Variants in CSMD3 observed in about 807,000 individuals in gnomAD.
CSMD3 encodes CUB and Sushi multiple domains 3.
In CSMD3, 177 loss-of-function variants were observed where a neutral mutation model predicts 435.2. The ratio of observed to expected loss-of-function variants is 0.41; its 90% CI spans 0.36 to 0.46. The LOEUF (loss-of-function observed/expected upper bound fraction) is 0.46, where lower values mean the gene tolerates loss of function less well. CSMD3 is among the 20% of genes least tolerant of loss of function. The pLI is 0.34. For missense variants in CSMD3, 4,265 were observed against 4,504.6 expected (o/e 0.95, Z 1.52); for synonymous variants, 1,656 against 1,520.5 (o/e 1.09, Z -2.07).
chr8:113,297,403 T>G (rs1414474479), intron 2 of CSMD3, among the ~76,000 whole-genome samples: 5 of 152,044 alleles, frequency 3.3e-5, no homozygotes, highest in African/African-American at 1.2e-4. Flanking sequence ...AAATTGTTCA[T>G]AGAAAACATC....
chr8:112,369,097 T>C (rs1197594951), intron 38 of CSMD3, among the ~76,000 whole-genome samples: 1 of 152,116 alleles, frequency 6.6e-6, no homozygotes, highest in Non-Finnish European at 1.5e-5. Context: ...CTGGTACAAA[T>C]GGCTATTTAC....
At chr8:113,347,316 G>C (rs934419361) in intron 1 of CSMD3, among the ~76,000 whole-genome samples, 5 of 151,846 alleles carry the variant, frequency 3.3e-5, no homozygotes, top group Non-Finnish European at 7.4e-5. Flanking sequence ...TTAACCTAGT[G>C]CTAATAACTG....
intron 20 of CSMD3, among the ~76,000 whole-genome samples, 174 bp downstream of exon 20, chr8:112,644,935 A>G (rs540466233): frequency 7.2e-5 from 11 of 152,280 alleles, no homozygotes; most frequent in Admixed American, 2.6e-4. Context: ...ATAATACTAT[A>G]GAAGAGTAAA....
intron 1 of CSMD3, among the ~76,000 whole-genome samples, chr8:113,419,640 A>G (rs1464328615): frequency 6.6e-6 from 1 of 152,154 alleles, no homozygotes; most frequent in Non-Finnish European, 1.5e-5. Context: ...GCACCAGTAC[A>G]CTATTCAAAT....
Position 112,267,150 on chromosome 8 carries a change from C to T in CSMD3, c.9509-1560G>A, listed in dbSNP as rs993360070. Among the ~76,000 whole-genome samples, 22 of 152,108 alleles carry T rather than the reference C, an allele frequency of 1.4e-4. 1 individual carries two copies. The highest frequency in any genetic ancestry group is 8.8e-5 in the Non-Finnish European group (6 of 68,016). ...AGTTACATTGTATTTATTATGTTATCATTAAGAATGATTAATGTCAAGATT... is the reference window on the plus strand; with the variant it reads ...AGTTACATTGTATTTATTATGTTATTATTAAGAATGATTAATGTCAAGATT... On this transcript the variant is annotated intron_variant, in intron 59 of 70. Coordinates refer to ENST00000297405, the MANE Select transcript of CSMD3 (RefSeq NM_198123.2).
At chr8:112,342,860 G>A (rs916466218) in intron 41 of CSMD3, among the ~76,000 whole-genome samples, 2 of 151,122 alleles carry the variant, frequency 1.3e-5, no homozygotes, top group African/African-American at 2.4e-5. Flanking sequence ...TGTGAAGACC[G>A]AAGATATGCA....
intron 22 of CSMD3, among the ~76,000 whole-genome samples, chr8:112,601,914 TA>T (rs1832384072): frequency 6.6e-6 from 1 of 152,202 alleles, no homozygotes; most frequent in African/African-American, 2.4e-5. Flanking sequence ...TTAGGGATGT[TA>T]AAAACAATTT....
At chr8:113,402,774 A>G (rs1284958986) in intron 1 of CSMD3, among the ~76,000 whole-genome samples, 1 of 151,406 alleles carries the variant, frequency 6.6e-6, no homozygotes. Context: ...ACTTTAAAGA[A>G]GAAAGGTAAG....
At chr8:112,688,117 G>C (rs764743053) in intron 14 of CSMD3, among the ~76,000 whole-genome samples, 2 of 152,088 alleles carry the variant, frequency 1.3e-5, no homozygotes, top group South Asian at 4.1e-4. Context: ...GAAAGTGTTT[G>C]GTTATGTTCC....
chr8:112,586,048 G>A (rs1373785391), intron 23 of CSMD3, among the ~76,000 whole-genome samples: 1 of 151,500 alleles, frequency 6.6e-6, no homozygotes, highest in Non-Finnish European at 1.5e-5. Context: ...TATACATCTA[G>A]ATACATTGTG....
intron 59 of CSMD3, among the ~76,000 whole-genome samples, chr8:112,280,291 G>C (rs556491019): frequency 6.6e-6 from 1 of 152,106 alleles, no homozygotes; most frequent in East Asian, 1.9e-4. Context: ...TTTCTTTTGA[G>C]ACAGGGTCTC....
intron 23 of CSMD3, among the ~76,000 whole-genome samples, chr8:112,579,559 A>G (rs1272492329): frequency 6.6e-6 from 1 of 152,030 alleles, no homozygotes; most frequent in Non-Finnish European, 1.5e-5. Flanking sequence ...TTTTAATATA[A>G]TTTAAGTTAA....
intron 65 of CSMD3, 107 bp downstream of exon 65, chr8:112,244,287 C>A: frequency 1.1e-6 from 1 of 944,980 alleles, no homozygotes; most frequent in Non-Finnish European, 1.7e-6. Context: ...AGTTAGCCAA[C>A]AAATTTCCCT....
chr8:112,429,066 C>T (rs1813385405), intron 32 of CSMD3, among the ~76,000 whole-genome samples: 1 of 152,086 alleles, frequency 6.6e-6, no homozygotes, highest in African/African-American at 2.4e-5. Context: ...TACAACCACT[C>T]TCAGAATTTT....
intron 13 of CSMD3, among the ~76,000 whole-genome samples, chr8:112,704,277 C>A (rs1326699337): frequency 2.0e-5 from 3 of 151,972 alleles, no homozygotes; most frequent in Non-Finnish European, 4.4e-5. Context: ...CCAAGCCCAA[C>A]AAGAATATTT....
chr8:113,319,814 C>A (rs1445159889), intron 1 of CSMD3, among the ~76,000 whole-genome samples: 1 of 152,036 alleles, frequency 6.6e-6, no homozygotes, highest in Non-Finnish European at 1.5e-5. Flanking sequence ...TTTGTAAATA[C>A]ATTTCTAAGT....
intron 49 of CSMD3, 127 bp downstream of exon 49, chr8:112,313,779 C>A: frequency 1.4e-6 from 1 of 726,482 alleles, no homozygotes; most frequent in South Asian, 1.6e-5. Context: ...CATAAATTGT[C>A]CAGGAACCAT....
chr8:113,078,311 C>T (rs991346632), intron 5 of CSMD3, among the ~76,000 whole-genome samples: 2 of 152,002 alleles, frequency 1.3e-5, no homozygotes, highest in Admixed American at 6.6e-5. Context: ...ACTGAGATCC[C>T]GTTAAGACAA....
At chr8:113,211,881 G>C (rs187063307) in intron 3 of CSMD3, among the ~76,000 whole-genome samples, 3 of 152,160 alleles carry the variant, frequency 2.0e-5, no homozygotes, top group Non-Finnish European at 2.9e-5. Context: ...TTTGATGTAG[G>C]CTATCTCTAA....
Sources: gnomAD v4.1 joint callset for allele counts (sites outside exome capture counted in the v4.1 genomes callset) on GRCh38, gnomAD v4.1.1 for gene constraint, MANE v1.5 for transcripts, NCBI Gene and HGNC (gene_info 2026-07-23, HGNC 2026-07-21) for gene names.